Variants in MYO16 observed in about 807,000 individuals in gnomAD.
The protein encoded by MYO16 is myosin XVI, also known as unconventional myosin-XVI.
A neutral mutation model predicts 205.3 loss-of-function variants in MYO16; 94 were observed. The ratio of observed to expected loss-of-function variants is 0.46; its 90% CI spans 0.39 to 0.54. The LOEUF (loss-of-function observed/expected upper bound fraction) is 0.54. MYO16 is among the 20% of genes least tolerant of loss of function. MYO16 has a pLI of 0.00. For missense variants in MYO16, 2,315 were observed against 2,387.5 expected (o/e 0.97, Z 0.63); for synonymous variants, 988 against 954.0 (o/e 1.04, Z -0.66).
chr13:108,638,097 G>A lies in MYO16; in HGVS notation c.28+8225G>A, dbSNP rs567985963. Among the ~76,000 whole-genome samples the A allele has an allele frequency of 3.3e-5, 5 of 152,176 alleles. No individual in the cohort carries two copies. In the East Asian group the frequency reaches 5.8e-4, roughly 18 times the overall value. On this transcript the variant is annotated intron_variant, in intron 1 of 34. Coordinates refer to ENST00000457511, the MANE Select transcript of MYO16 (RefSeq NM_001198950.3). ...GGACTTGAGGGGTAATTTTAAATAG[G>A]TTGTTAAGGGAAAATCACTCTCAAG... is the stretch of plus-strand genomic sequence containing the variant.
At chr13:108,944,401 GACA>G (rs1464755689) in intron 16 of MYO16, among the ~76,000 whole-genome samples, 1 of 152,178 alleles carries the variant, frequency 6.6e-6, no homozygotes, top group African/African-American at 2.4e-5. Context: ...ATTTGATAAT[GACA>G]ACATTAAGAC....
intron 1 of MYO16, among the ~76,000 whole-genome samples, chr13:108,613,096 G>A (rs1879233671): frequency 6.6e-6 from 1 of 152,044 alleles, no homozygotes; most frequent in South Asian, 2.1e-4. Flanking sequence ...ATTGATTATG[G>A]CAACACTTTA....
At chr13:109,095,252 C>T (rs956974554) in intron 27 of MYO16, among the ~76,000 whole-genome samples, 3 of 152,162 alleles carry the variant, frequency 2.0e-5, no homozygotes, top group African/African-American at 2.4e-5. Context: ...TGGATTGAGG[C>T]GACCTGTGTG....
chr13:108,544,208 A>G, the MYO16 span, among the ~76,000 whole-genome samples: 14 of 152,162 alleles, frequency 9.2e-5, no homozygotes, highest in Non-Finnish European at 1.8e-4. Context: ...GTTGTGACCT[A>G]ATTTATTCTA....
Position 109,055,085 on chromosome 13 carries a change from T to A in MYO16, c.3088T>A (p.Leu1030Met). ...AGGAACTTCTACATTTCTTCAAAGA[T>A]TGGAACGAGGAGATCCAGTCACCAT... ...KKGTSTFLQR[L>M]ERGDPVTIAS... Residue 1030 changes from leucine to methionine, a missense_variant, in exon 26 of 35, where the codon TTG (leucine) becomes ATG (methionine). By Grantham distance (15) the Leu-to-Met change is conservative (BLOSUM62 2). This residue lies in a region of MYO16 where 1,213 missense variants were observed against 1,274.4 expected (regional missense o/e 0.95). Coordinates refer to ENST00000457511, the MANE Select transcript of MYO16 (RefSeq NM_001198950.3). This position sits in a 1 kb window ranked among gnomAD's most constrained non-coding sequence, Gnocchi z 5.0. 1 of 1,587,482 alleles carries A rather than the reference T, an allele frequency of 6.3e-7. No individual in the cohort carries two copies. Among genetic ancestry groups the A allele is most frequent in the Non-Finnish European group, 8.5e-7 (1 of 1,170,216 alleles).
At chr13:108,812,852 A>T (rs1887337297) in intron 7 of MYO16, among the ~76,000 whole-genome samples, 3 of 152,122 alleles carry the variant, frequency 2.0e-5, no homozygotes, top group Non-Finnish European at 2.9e-5. Flanking sequence ...GGATATAATG[A>T]TCTTTCCCTC....
intron 11 of MYO16, among the ~76,000 whole-genome samples, chr13:108,859,845 G>A (rs1182372918): frequency 1.3e-5 from 2 of 152,104 alleles, no homozygotes; most frequent in African/African-American, 2.4e-5. Flanking sequence ...AAGACCTCCT[G>A]TAACATCTGG....
At chr13:109,189,026 G>A (rs558125623) in intron 34 of MYO16, among the ~76,000 whole-genome samples, 11 of 151,948 alleles carry the variant, frequency 7.2e-5, no homozygotes, top group Admixed American at 2.6e-4. Flanking sequence ...CCAGGGAGGC[G>A]AAGGTTGCAG....
chr13:108,801,664 T>C (rs1886972504), intron 6 of MYO16, among the ~76,000 whole-genome samples: 1 of 152,164 alleles, frequency 6.6e-6, no homozygotes, highest in Non-Finnish European at 1.5e-5. Flanking sequence ...AAGTCGGTGC[T>C]CATCCTGGAA....
At chr13:109,202,953 AC>A (rs1207018745) in intron 34 of MYO16, among the ~76,000 whole-genome samples, 1 of 152,164 alleles carries the variant, frequency 6.6e-6, no homozygotes, top group Non-Finnish European at 1.5e-5. Context: ...GGGGAAAGAC[AC>A]CCTATTCAAC....
At chr13:108,735,156 A>T (rs1187591350) in intron 4 of MYO16, among the ~76,000 whole-genome samples, 1 of 152,096 alleles carries the variant, frequency 6.6e-6, no homozygotes, top group Non-Finnish European at 1.5e-5. Context: ...GTACATGTGC[A>T]CAACCTGCAG....
At chr13:108,537,347 C>A in the MYO16 span, among the ~76,000 whole-genome samples, 55 of 152,246 alleles carry the variant, frequency 3.6e-4, no homozygotes, top group Admixed American at 9.8e-4. Flanking sequence ...CTTTTTATGG[C>A]TGCATAGTAT....
At chr13:109,182,877 T>A (rs1359651233) in intron 34 of MYO16, among the ~76,000 whole-genome samples, 1 of 152,166 alleles carries the variant, frequency 6.6e-6, no homozygotes, top group African/African-American at 2.4e-5. Context: ...ACATAAAATG[T>A]TTGAAACTAG....
chr13:108,957,711 A>C lies in MYO16; in HGVS notation c.1949A>C (p.Asp650Ala). 2 of 1,613,206 alleles carry C rather than the reference A, an allele frequency of 1.2e-6. No homozygotes were observed. The highest frequency in any genetic ancestry group is 1.7e-6 in the Non-Finnish European group (2 of 1,179,262). ...AHRYLNQTIQ[D>A]DASTGERSLN... ...AGGTATTTGAACCAGACCATACAGGATGATGCATCCACAGGGGAGCGTTCT... is the reference window on the plus strand; with the variant it reads ...AGGTATTTGAACCAGACCATACAGGCTGATGCATCCACAGGGGAGCGTTCT... Residue 650 changes from aspartate (D) to alanine (A), a missense_variant, in exon 17 of 35, where the codon GAT becomes GCT. Around this residue, in one of 3 missense-constraint regions of MYO16, gnomAD observed 1,213 missense variants for 1,274.4 expected, o/e 0.95. Transcript: ENST00000457511.
At chr13:109,009,812 C>A (rs1444913191) in intron 22 of MYO16, among the ~76,000 whole-genome samples, 1 of 152,160 alleles carries the variant, frequency 6.6e-6, no homozygotes, top group Non-Finnish European at 1.5e-5. Context: ...CTTGTTCTTG[C>A]TTCTAACTTG....
intron 27 of MYO16, among the ~76,000 whole-genome samples, chr13:109,100,577 C>T (rs556729983): frequency 7.2e-5 from 11 of 152,238 alleles, no homozygotes; most frequent in East Asian, 1.9e-4. Flanking sequence ...ATATATTTGA[C>T]GCGTTGTAAA....
chr13:109,010,427 A>G (rs1055233037), intron 22 of MYO16, among the ~76,000 whole-genome samples: 6 of 152,242 alleles, frequency 3.9e-5, no homozygotes, highest in African/African-American at 1.4e-4. Flanking sequence ...ACAAATAATA[A>G]TGCTTAAAAA....
chr13:108,813,250 A>G (rs1272339278), intron 7 of MYO16, among the ~76,000 whole-genome samples: 1 of 152,180 alleles, frequency 6.6e-6, no homozygotes, highest in African/African-American at 2.4e-5. Flanking sequence ...GAATCATTAA[A>G]AGTAGTAATG....
chr13:108,769,835 C>T (rs185688906), intron 4 of MYO16, among the ~76,000 whole-genome samples: 11 of 152,084 alleles, frequency 7.2e-5, no homozygotes, highest in African/African-American at 1.7e-4. Flanking sequence ...GTCAGTGAGG[C>T]GGAGGCACTG....
Sources: gnomAD v4.1 joint callset for allele counts (sites outside exome capture counted in the v4.1 genomes callset) on GRCh38, gnomAD v4.1.1 for gene constraint, gnomAD v4.1.1 regional missense constraint, Gnocchi (gnomAD v3.1) non-coding constraint, MANE v1.5 for transcripts, NCBI Gene and HGNC (gene_info 2026-07-23, HGNC 2026-07-21) for gene names.